NEK1: variants seen among roughly 807,000 people sequenced by gnomAD.
The protein encoded by NEK1 is serine/threonine-protein kinase Nek1.
A neutral mutation model predicts 182.1 loss-of-function variants in NEK1; 137 were observed. The ratio of observed to expected loss-of-function variants is 0.75; its 90% CI spans 0.65 to 0.87. The LOEUF is 0.87. Among genes scored for constraint, NEK1 ranks in the 40% least tolerant of loss-of-function variants. The pLI is 0.00. For synonymous variants in NEK1, 513 were observed against 492.2 expected, an observed-to-expected ratio of 1.04 and a Z score of -0.56; for missense variants, 1,391 against 1,494.4, an observed-to-expected ratio of 0.93 and a Z score of 1.14.
At chr4:169,543,360 C>T (rs1330226713) in intron 18 of NEK1, among the ~76,000 whole-genome samples, 2 of 152,110 alleles carry the variant, frequency 1.3e-5, no homozygotes, top group Non-Finnish European at 2.9e-5. Context: ...TGTTTTGGTA[C>T]CAGTACCATG....
intron 5 of NEK1, among the ~76,000 whole-genome samples, chr4:169,595,682 G>A (rs575019960): frequency 6.6e-6 from 1 of 152,192 alleles, no homozygotes; most frequent in South Asian, 2.1e-4. Flanking sequence ...CCAGCACTTT[G>A]GGAGGCAGAG....
intron 23 of NEK1, among the ~76,000 whole-genome samples, chr4:169,500,392 GCTGCACCCACTGTC>G (rs1561303185): frequency 1.3e-5 from 2 of 152,144 alleles, no homozygotes; most frequent in African/African-American, 2.4e-5. Context: ...TGCTCGGTGC[GCTGCACCCACTGTC>G]CTGCACCCAC....
chr4:169,604,680 A>G (rs1415415659), intron 2 of NEK1, among the ~76,000 whole-genome samples: 6 of 152,160 alleles, frequency 3.9e-5, no homozygotes, highest in Non-Finnish European at 1.5e-5. Context: ...AAATGATCCA[A>G]TCTCCTTAAA....
At chr4:169,495,924 T>C (rs1751169059) in intron 23 of NEK1, among the ~76,000 whole-genome samples, 2 of 152,318 alleles carry the variant, frequency 1.3e-5, no homozygotes, top group East Asian at 3.9e-4. Flanking sequence ...AAGTAGTTTT[T>C]TCCAATTCTG....
In NEK1 at chr4:169,599,207, A is replaced by G; in HGVS notation, c.215-10T>C. 4 of 1,578,316 alleles carry G rather than the reference A, an allele frequency of 2.5e-6. No homozygotes were observed. The highest frequency in any genetic ancestry group is 3.5e-6 in the Non-Finnish European group (4 of 1,149,904). On this transcript the variant is annotated splice_polypyrimidine_tract_variant and intron_variant, in intron 4 of 35. Coordinates refer to ENST00000507142, the MANE Select transcript of NEK1 (RefSeq NM_001199397.3). ...TAGAGAGAGCCATTTTCTACAAAAT[A>G]TAAACATTACAGTCCACTTTTAAAA...
chr4:169,429,046 C>G (rs909709401), intron 29 of NEK1, among the ~76,000 whole-genome samples: 4 of 149,046 alleles, frequency 2.7e-5, no homozygotes, highest in African/African-American at 9.8e-5. Context: ...TTTTTTTCAA[C>G]CAAATGTGGA....
intron 27 of NEK1, among the ~76,000 whole-genome samples, chr4:169,460,593 A>G (rs979013599): frequency 6.6e-6 from 1 of 152,104 alleles, no homozygotes; most frequent in Non-Finnish European, 1.5e-5. Flanking sequence ...ACAAACAAAA[A>G]AAACCCACTA....
chr4:169,477,141 G>T lies in NEK1; in HGVS notation c.2417C>A (p.Ser806Tyr). 6.3e-7 allele frequency: 1 copy of T among 1,599,122 alleles called. No individual in the cohort carries two copies. Among genetic ancestry groups the T allele is most frequent in the Non-Finnish European group, 8.5e-7 (1 of 1,171,068 alleles). The part of the protein sequence containing the change: ...IPLDELTLDT[S>Y]FSTTERHTVG... ...ATACATACTTTCAGTTGTAGAGAAG[G>T]ATGTATCTAGTGTTAACTCATCCAG... The change falls in exon 26 of 36, where the codon TCC (serine) becomes TAC (tyrosine). Residue 806 changes from serine (S) to tyrosine (Y), a missense_variant. Around this residue, in one of 5 missense-constraint regions of NEK1, gnomAD observed 1,216 missense variants for 1,277.6 expected, o/e 0.95. Coordinates refer to ENST00000507142, the MANE Select transcript of NEK1 (RefSeq NM_001199397.3).
intron 19 of NEK1, among the ~76,000 whole-genome samples, chr4:169,531,558 G>C (rs547854302): frequency 1.3e-5 from 2 of 152,002 alleles, no homozygotes; most frequent in South Asian, 4.2e-4. Flanking sequence ...CAAAGTCGAG[G>C]AGAAACTTTC....
rs765037444 is a variant in NEK1, at chr4:169,561,701, G to A, written c.1177C>T (p.Gln393Ter). 2 of 1,567,810 alleles carry A rather than the reference G, an allele frequency of 1.3e-6. No individual in the cohort carries two copies. Among genetic ancestry groups the A allele is most frequent in the Non-Finnish European group, 1.7e-6 (2 of 1,154,980 alleles). The stretch of plus-strand genomic sequence containing the variant: ...TATCCTCTTACCCTTTCCTTTTCTT[G>A]CCTTTTCATTTGTTCAGCCTTCATT... Reference protein sequence around the residue: ...SLMKAEQMKRQEKERLERINR... With the variant: ...SLMKAEQMKR The change falls in exon 15 of 36, where the codon CAA becomes TAA. Residue 393 changes from glutamine to a stop codon, truncating the protein, a stop_gained. Transcript: ENST00000507142. LOFTEE classifies it high-confidence loss of function.
intron 29 of NEK1, among the ~76,000 whole-genome samples, chr4:169,430,663 T>G (rs1356643247): frequency 2.0e-5 from 3 of 152,316 alleles, no homozygotes; most frequent in African/African-American, 7.2e-5. Flanking sequence ...GGAATAATAG[T>G]GTAATGTGAA....
In NEK1 at chr4:169,544,929, C is replaced by T. The variant is rs572694163; in HGVS notation, c.1563-7018G>A. ...ATTTTGTTGATCTTTAAAAAAAAAC[C>T]AGCTCCTGGATTCATTGATTTTTTG... On this transcript the variant is annotated intron_variant, in intron 18 of 35. Coordinates refer to ENST00000507142, the MANE Select transcript of NEK1 (RefSeq NM_001199397.3). Among the ~76,000 whole-genome samples the T allele has an allele frequency of 5.9e-5, 9 of 151,436 alleles. No homozygotes were observed. The South Asian group carries it at 1.0e-3, about 18-fold the overall frequency.
At chr4:169,579,068 C>T in intron 11 of NEK1, among the ~76,000 whole-genome samples, 1 of 152,086 alleles carries the variant, frequency 6.6e-6, no homozygotes, top group East Asian at 1.9e-4. Context: ...ATAAAGATTT[C>T]TAAGAAACAA....
chr4:169,514,766 T>C (rs936568865), intron 19 of NEK1, among the ~76,000 whole-genome samples: 11 of 152,334 alleles, frequency 7.2e-5, no homozygotes, highest in Admixed American at 2.0e-4. Flanking sequence ...TAGAGACTTA[T>C]CAAATTCACT....
At chr4:169,498,341 A>G (rs1029890322) in intron 23 of NEK1, among the ~76,000 whole-genome samples, 7 of 152,058 alleles carry the variant, frequency 4.6e-5, no homozygotes, top group Admixed American at 1.3e-4. Flanking sequence ...ACACTGACGG[A>G]TCTTGACTCT....
chr4:169,536,107 C>G (rs1473375758), intron 19 of NEK1, among the ~76,000 whole-genome samples: 2 of 151,602 alleles, frequency 1.3e-5, no homozygotes, highest in East Asian at 3.9e-4. Flanking sequence ...CCAGCCTGGC[C>G]AACATGGTGA....
chr4:169,426,104 A>T, intron 30 of NEK1, 42 bp downstream of exon 30: 1 of 1,434,034 alleles, frequency 7.0e-7, no homozygotes, highest in South Asian at 1.2e-5. Flanking sequence ...ATAATCATTA[A>T]CATCTTCCAG....
At chr4:169,511,318 GAAAATAA>G (rs911407154) in intron 19 of NEK1, among the ~76,000 whole-genome samples, 4 of 152,044 alleles carry the variant, frequency 2.6e-5, no homozygotes, top group African/African-American at 9.7e-5. Flanking sequence ...GGAGATGAAG[GAAAATAA>G]GAAATAAGCA....
chr4:169,530,502 G>A (rs1757504280), intron 19 of NEK1, among the ~76,000 whole-genome samples: 1 of 152,158 alleles, frequency 6.6e-6, no homozygotes, highest in Non-Finnish European at 1.5e-5. Flanking sequence ...GTGGGCTAAT[G>A]TAAGTGATCT....
Sources: gnomAD v4.1 joint callset for allele counts (sites outside exome capture counted in the v4.1 genomes callset) on GRCh38, gnomAD v4.1.1 for gene constraint, gnomAD v4.1.1 regional missense constraint, MANE v1.5 for transcripts, NCBI Gene and HGNC (gene_info 2026-07-23, HGNC 2026-07-21) for gene names.